STPG2: variants seen among roughly 807,000 people sequenced by gnomAD.
STPG2 encodes sperm tail PG-rich repeat containing 2.
In STPG2, 56 loss-of-function variants were observed where a neutral mutation model predicts 54.2. That is an observed-to-expected ratio of 1.03 (90% CI 0.83 to 1.29). The LOEUF (loss-of-function observed/expected upper bound fraction) is 1.29. STPG2 is among the 50% of genes most tolerant of loss of function. STPG2 has a pLI of 0.00. For missense variants in STPG2, 596 were observed against 544.9 expected, an observed-to-expected ratio of 1.09 and a Z score of -0.93; for synonymous variants, 200 against 181.8, an observed-to-expected ratio of 1.10 and a Z score of -0.81.
intron 5 of STPG2, among the ~76,000 whole-genome samples, chr4:98,070,206 G>A (rs570969961): frequency 1.3e-5 from 2 of 152,112 alleles, no homozygotes; most frequent in East Asian, 1.9e-4. Context: ...TGCAAGGTTA[G>A]TGCAACATAC....
intron 4 of STPG2, among the ~76,000 whole-genome samples, chr4:97,454,880 T>C (rs1315079237): frequency 6.6e-6 from 1 of 152,118 alleles, no homozygotes; most frequent in African/African-American, 2.4e-5. Context: ...TTATTCCTAA[T>C]ATAGAAAAAA....
chr4:97,797,864 A>G (rs1727252194), intron 9 of STPG2, among the ~76,000 whole-genome samples: 1 of 152,000 alleles, frequency 6.6e-6, no homozygotes, highest in African/African-American at 2.4e-5. Context: ...TCAATTTCAG[A>G]GCCTGTTATT....
chr4:97,552,373 C>A (rs1014345282), intron 4 of STPG2, among the ~76,000 whole-genome samples: 7 of 151,972 alleles, frequency 4.6e-5, no homozygotes, highest in Non-Finnish European at 8.8e-5. Context: ...ATTATATTAG[C>A]AATTAGAATC....
intron 9 of STPG2, among the ~76,000 whole-genome samples, chr4:97,828,080 A>G (rs1373558080): frequency 6.6e-6 from 1 of 152,196 alleles, no homozygotes; most frequent in African/African-American, 2.4e-5. Context: ...TAAAATAATC[A>G]TTCTTGGATT....
intron 10 of STPG2, among the ~76,000 whole-genome samples, chr4:97,620,433 T>A (rs1047573592): frequency 6.6e-6 from 1 of 152,218 alleles, no homozygotes; most frequent in African/African-American, 2.4e-5. Flanking sequence ...ACAAAGATTC[T>A]CCCTATTTAG....
At chr4:98,064,754 T>C (rs539785180) in intron 5 of STPG2, among the ~76,000 whole-genome samples, 1 of 152,348 alleles carries the variant, frequency 6.6e-6, no homozygotes, top group South Asian at 2.1e-4. Context: ...AGTGGCTTAA[T>C]GTTAGAAAAT....
intron 8 of STPG2, among the ~76,000 whole-genome samples, chr4:97,938,990 G>T (rs1732870213): frequency 6.6e-6 from 1 of 151,942 alleles, no homozygotes; most frequent in Admixed American, 6.5e-5. Flanking sequence ...CTGTATCTCA[G>T]AGTTCTGGTA....
At chr4:97,485,828 C>T in intron 4 of STPG2, among the ~76,000 whole-genome samples, 1 of 151,896 alleles carries the variant, frequency 6.6e-6, no homozygotes, top group Admixed American at 6.6e-5. Context: ...CAGCATGGTG[C>T]TGGTATAAAA....
intron 10 of STPG2, among the ~76,000 whole-genome samples, chr4:97,637,694 CA>C (rs1721606807): frequency 6.6e-6 from 1 of 152,088 alleles, no homozygotes; most frequent in Non-Finnish European, 1.5e-5. Flanking sequence ...TCCTATACAC[CA>C]ACAACAAACA....
chr4:97,557,064 C>G (rs567717171), downstream of STPG2, among the ~76,000 whole-genome samples: 2 of 152,156 alleles, frequency 1.3e-5, no homozygotes, highest in South Asian at 2.1e-4. Flanking sequence ...GCCTGTAGTC[C>G]CAGCTACTCA....
chr4:98,130,240 A>T (rs772396874), intron 2 of STPG2, among the ~76,000 whole-genome samples: 8 of 150,922 alleles, frequency 5.3e-5, no homozygotes, highest in Non-Finnish European at 1.0e-4. Context: ...CAGTGGCATG[A>T]TCTTGGCTCA....
intron 10 of STPG2, among the ~76,000 whole-genome samples, chr4:97,641,006 T>C (rs1012333): frequency 0.11 from 16,504 of 151,634 alleles, 2,665 homozygotes; most frequent in African/African-American, 0.36. Flanking sequence ...GAATATATAA[T>C]GTCTATGTGA....
At chr4:97,789,035 A>C (rs1726913987) in intron 9 of STPG2, among the ~76,000 whole-genome samples, 1 of 152,002 alleles carries the variant, frequency 6.6e-6, no homozygotes, top group Non-Finnish European at 1.5e-5. Flanking sequence ...CAAATGTTAA[A>C]AACTGATGAT....
chr4:97,983,641 T>C (rs867237057), intron 5 of STPG2, among the ~76,000 whole-genome samples: 6 of 152,212 alleles, frequency 3.9e-5, no homozygotes, highest in Admixed American at 3.9e-4. Flanking sequence ...CACTGTCCTC[T>C]TCCACCTACC....
chr4:98,024,158 A>T (rs974905063), intron 5 of STPG2, among the ~76,000 whole-genome samples: 1 of 152,164 alleles, frequency 6.6e-6, no homozygotes, highest in Non-Finnish European at 1.5e-5. Context: ...AGCTGTTCCT[A>T]TTCAGCCATC....
intron 5 of STPG2, among the ~76,000 whole-genome samples, chr4:98,056,461 T>G (rs2110094848): frequency 6.6e-6 from 1 of 152,258 alleles, no homozygotes; most frequent in Non-Finnish European, 1.5e-5. Flanking sequence ...CGCAGTGAAC[T>G]CTAAGCCTCA....
chr4:97,598,085 C>T (rs965582260), intron 10 of STPG2, among the ~76,000 whole-genome samples: 1 of 151,812 alleles, frequency 6.6e-6, no homozygotes, highest in Non-Finnish European at 1.5e-5. Context: ...CATTCTCATA[C>T]ACCAACAACA....
At chr4:97,722,891 G>A (rs1264580872) in intron 9 of STPG2, among the ~76,000 whole-genome samples, 3 of 149,262 alleles carry the variant, frequency 2.0e-5, no homozygotes, top group Non-Finnish European at 3.0e-5. Context: ...TTAGTCTCCC[G>A]GGTTCACGCC....
chr4:98,122,809 C>G (rs977460255), intron 3 of STPG2, among the ~76,000 whole-genome samples: 2 of 152,072 alleles, frequency 1.3e-5, no homozygotes, highest in African/African-American at 4.8e-5. Flanking sequence ...TCTGTCTGGT[C>G]CTGGGCTTTT....
Sources: gnomAD v4.1 joint callset for allele counts (sites outside exome capture counted in the v4.1 genomes callset) on GRCh38, gnomAD v4.1.1 for gene constraint, MANE v1.5 for transcripts, NCBI Gene and HGNC (gene_info 2026-07-23, HGNC 2026-07-21) for gene names.